MCUB: variants seen among roughly 807,000 people sequenced by gnomAD.
MCUB encodes calcium uniporter regulatory subunit MCUb, mitochondrial.
MCUB carries 46 observed loss-of-function variants against 41.4 expected under a neutral mutation model. The ratio of observed to expected loss-of-function variants is 1.11; its 90% CI spans 0.88 to 1.42. The LOEUF is 1.42. Among genes scored for constraint, MCUB ranks in the 40% most tolerant of loss-of-function variants. The pLI is 0.00. For missense variants in MCUB, 403 were observed against 404.9 expected, an observed-to-expected ratio of 1.00 and a Z score of 0.04; for synonymous variants, 148 against 148.2, an observed-to-expected ratio of 1.00 and a Z score of 0.01.
At chr4:109,673,594 T>G (rs564191638) in intron 4 of MCUB, among the ~76,000 whole-genome samples, 127 of 152,250 alleles carry the variant, frequency 8.3e-4, no homozygotes, top group Non-Finnish European at 1.4e-3. Flanking sequence ...GGAATCATAC[T>G]GGATTAACTG....
chr4:109,610,826 G>A (rs988365438), intron 1 of MCUB, among the ~76,000 whole-genome samples: 7 of 152,088 alleles, frequency 4.6e-5, no homozygotes, highest in African/African-American at 1.7e-4. Context: ...AATACTGTAG[G>A]AAGTTGCAAC....
At chr4:109,596,012 C>CG (rs1727548351) in intron 1 of MCUB, among the ~76,000 whole-genome samples, 1 of 133,732 alleles carries the variant, frequency 7.5e-6, no homozygotes, top group Non-Finnish European at 1.6e-5. Context: ...CCAGTAAGGC[C>CG]AGCCTCTTAT....
At chr4:109,618,568 T>A (rs999277420) in intron 1 of MCUB, among the ~76,000 whole-genome samples, 2 of 152,234 alleles carry the variant, frequency 1.3e-5, no homozygotes, top group African/African-American at 4.8e-5. Flanking sequence ...TTGTTTATTA[T>A]GCTTCTTCTT....
intron 1 of MCUB, among the ~76,000 whole-genome samples, chr4:109,573,368 G>T (rs373362508): frequency 6.6e-6 from 1 of 151,608 alleles, no homozygotes; most frequent in African/African-American, 2.4e-5. Context: ...CAGCAGAACC[G>T]CGTAAACCTG....
chr4:109,631,984 A>G (rs115005602), intron 1 of MCUB, among the ~76,000 whole-genome samples: 4,051 of 152,116 alleles, frequency 0.027, 193 homozygotes, highest in African/African-American at 0.093. Context: ...TTCACAGCCC[A>G]CCTCTGGCTC....
chr4:109,687,405 A>G, intron 7 of MCUB, 110 bp from the exon 8 acceptor site: 2 of 705,428 alleles, frequency 2.8e-6, no homozygotes, highest in Non-Finnish European at 4.9e-6. Context: ...AATAGTTTAA[A>G]CATTTTATTG....
At chr4:109,569,278 C>T (rs548862364) in intron 1 of MCUB, among the ~76,000 whole-genome samples, 4 of 152,122 alleles carry the variant, frequency 2.6e-5, no homozygotes, top group South Asian at 4.2e-4. Context: ...AATCTCCTGA[C>T]CTTGTGATCC....
rs2126143696 is a variant in MCUB at position 109,656,423 on chromosome 4, T to C, written c.100-2588T>C. ...CAGGGTTTCCCTCTGTGGCCCAGGC[T>C]GAAGTGCAGTAGCTACAATCTCGGT... On this transcript the variant is annotated intron_variant, in intron 1 of 7. Coordinates refer to ENST00000394650, the MANE Select transcript of MCUB (RefSeq NM_017918.5). Among the ~76,000 whole-genome samples, 2 of 136,134 alleles carry C rather than the reference T, an allele frequency of 1.5e-5. 1 individual carries two copies. The highest frequency in any genetic ancestry group is 5.1e-4 in the South Asian group (2 of 3,896). The allele number at this position is 136,134 out of a possible 152,430, so 89.3% of individuals were successfully genotyped here.
At chr4:109,581,651 T>C (rs1727178391) in intron 1 of MCUB, among the ~76,000 whole-genome samples, 2 of 152,038 alleles carry the variant, frequency 1.3e-5, no homozygotes, top group Non-Finnish European at 2.9e-5. Flanking sequence ...AGGGCTAATA[T>C]CCAGAATCTA....
chr4:109,560,270 A>C lies in MCUB; in HGVS notation c.-68A>C. The C allele has an allele frequency of 5.0e-6, 4 of 800,336 alleles. No homozygotes were observed. The highest frequency in any genetic ancestry group is 6.7e-6 in the Non-Finnish European group (4 of 594,290). 49.6% of individuals were successfully genotyped at this position (800,336 alleles called of 1,614,324 possible). On this transcript the variant is annotated 5_prime_UTR_variant, in exon 1 of 8. Coordinates refer to ENST00000394650, the MANE Select transcript of MCUB (RefSeq NM_017918.5). ...CACAGCTCGGAGCCACCAGGCGCTG[A>C]CGAGGAGCCCGGCTGAGGGAGGATG...
intron 1 of MCUB, among the ~76,000 whole-genome samples, chr4:109,564,157 G>A (rs1340547794): frequency 2.0e-5 from 3 of 150,280 alleles, no homozygotes; most frequent in African/African-American, 7.4e-5. Context: ...TTTTTGAGAC[G>A]GAGTCTTGCT....
intron 1 of MCUB, among the ~76,000 whole-genome samples, chr4:109,618,830 A>G (rs902183338): frequency 1.3e-5 from 2 of 152,222 alleles, no homozygotes; most frequent in Non-Finnish European, 2.9e-5. Flanking sequence ...CTTATGACTT[A>G]CATTCAATAA....
rs117412615 is a variant in MCUB at position 109,642,811 on chromosome 4, C to G, written c.100-16200C>G. ...GACTGAAATTTTTTTTTTAACTGTT[C>G]TTTTTGTCATACTCCCTGACATATT... On this transcript the variant is annotated intron_variant, in intron 1 of 7. Transcript: ENST00000394650. 8.3e-3 allele frequency among the ~76,000 whole-genome samples: 1,236 copies of G among 149,578 alleles called. 34 individuals are homozygous for G. The highest frequency in any genetic ancestry group is 0.062 in the South Asian group (294 of 4,722).
intron 1 of MCUB, among the ~76,000 whole-genome samples, chr4:109,636,192 C>T (rs1441978480): frequency 6.6e-6 from 1 of 152,184 alleles, no homozygotes; most frequent in African/African-American, 2.4e-5. Context: ...AGGCCCACCA[C>T]TGCTGCATTC....
chr4:109,670,890 G>A (rs553418836), intron 4 of MCUB, among the ~76,000 whole-genome samples: 11 of 152,110 alleles, frequency 7.2e-5, no homozygotes, highest in African/African-American at 2.7e-4. Context: ...GCCCACCTAT[G>A]GGACTCCCTG....
chr4:109,565,719 G>C (rs748755973), intron 1 of MCUB, among the ~76,000 whole-genome samples: 9 of 152,000 alleles, frequency 5.9e-5, no homozygotes, highest in Non-Finnish European at 1.2e-4. Context: ...GGGTTCTGAC[G>C]ATAATCCTGA....
intron 1 of MCUB, among the ~76,000 whole-genome samples, chr4:109,658,336 T>C (rs1729150444): frequency 6.6e-6 from 1 of 152,034 alleles, no homozygotes; most frequent in African/African-American, 2.4e-5. Context: ...TTGCTCTTGT[T>C]ACCCAGGCTG....
intron 4 of MCUB, among the ~76,000 whole-genome samples, chr4:109,671,989 T>C (rs759055378): frequency 4.6e-5 from 7 of 152,102 alleles, no homozygotes; most frequent in South Asian, 4.1e-4. Context: ...CTTTCTCAAA[T>C]AGAATCTGTG....
At chr4:109,568,538 C>A (rs1332375901) in intron 1 of MCUB, among the ~76,000 whole-genome samples, 1 of 152,134 alleles carries the variant, frequency 6.6e-6, no homozygotes, top group Non-Finnish European at 1.5e-5. Flanking sequence ...CCCGCTTCTT[C>A]ACCCTCCTGA....
Sources: allele counts gnomAD v4.1 joint callset (sites outside exome capture counted in the v4.1 genomes callset), GRCh38; gene constraint gnomAD v4.1.1; transcripts MANE v1.5; gene names NCBI Gene and HGNC (gene_info 2026-07-23, HGNC 2026-07-21).